Variants in TMEFF2 observed in about 807,000 individuals in gnomAD.
TMEFF2 encodes tomoregulin-2.
In TMEFF2, 28 loss-of-function variants were observed where a neutral mutation model predicts 53.8. The ratio of observed to expected loss-of-function variants is 0.52; its 90% confidence interval spans 0.39 to 0.71. TMEFF2 has a LOEUF of 0.71. TMEFF2 is among the 30% of genes least tolerant of loss of function. TMEFF2 has a pLI of 0.00. For missense variants in TMEFF2, 353 were observed against 455.2 expected (o/e 0.78, Z 2.04); for synonymous variants, 162 against 166.3 (o/e 0.97, Z 0.20).
chr2:192,185,522 T>C (rs1265884515), intron 2 of TMEFF2, among the ~76,000 whole-genome samples: 1 of 152,114 alleles, frequency 6.6e-6, no homozygotes, highest in East Asian at 1.9e-4. Flanking sequence ...TTTGAATCTT[T>C]GATGTGCTGT....
chr2:191,964,288 C>A (rs1692361683), intron 7 of TMEFF2, among the ~76,000 whole-genome samples: 1 of 124,868 alleles, frequency 8.0e-6, no homozygotes. Flanking sequence ...TTTCCTTTTC[C>A]TTCTTTCCTT....
intron 5 of TMEFF2, chr2:192,021,774 A>G (rs1169203136): frequency 6.6e-6 from 1 of 152,286 alleles, no homozygotes; most frequent in African/African-American, 2.4e-5. Context: ...AGGTGTGGGA[A>G]ATCTAAGGAA....
At chr2:192,176,581 C>T (rs987803371) in intron 4 of TMEFF2, among the ~76,000 whole-genome samples, 1 of 151,160 alleles carries the variant, frequency 6.6e-6, no homozygotes, top group Non-Finnish European at 1.5e-5. Context: ...ATACAGTTAA[C>T]TGTTTGAATT....
chr2:192,093,760 TA>T (rs1187226353), intron 4 of TMEFF2, among the ~76,000 whole-genome samples: 1 of 151,378 alleles, frequency 6.6e-6, no homozygotes, highest in Non-Finnish European at 1.5e-5. Flanking sequence ...AAACCCAAGG[TA>T]AAAGCCTTTG....
intron 7 of TMEFF2, among the ~76,000 whole-genome samples, chr2:191,959,610 A>G (rs1301831846): frequency 1.3e-5 from 1 of 76,970 alleles, no homozygotes; most frequent in Non-Finnish European, 2.6e-5. Context: ...AAATCAATAC[A>G]GTCCAGTATG....
chr2:192,061,711 G>A (rs906677583), intron 4 of TMEFF2, among the ~76,000 whole-genome samples: 31 of 152,166 alleles, frequency 2.0e-4, no homozygotes, highest in African/African-American at 7.0e-4. Flanking sequence ...TTGGTAGGAA[G>A]TGTTTGCATC....
intron 5 of TMEFF2, among the ~76,000 whole-genome samples, chr2:192,040,761 G>A (rs4456647): frequency 0.73 from 111,390 of 151,966 alleles, 43,097 homozygotes; most frequent in Middle Eastern, 0.87. Flanking sequence ...AAGTCCAGTT[G>A]TAGCATAAGA....
intron 7 of TMEFF2, among the ~76,000 whole-genome samples, chr2:191,990,632 TG>T (rs1686081524): frequency 1.3e-5 from 2 of 152,100 alleles, no homozygotes; most frequent in Non-Finnish European, 1.5e-5. Context: ...TGGAGAATTA[TG>T]GCATTCCACT....
chr2:192,060,407 C>A (rs1688015485), intron 4 of TMEFF2, among the ~76,000 whole-genome samples: 1 of 152,146 alleles, frequency 6.6e-6, no homozygotes, highest in Admixed American at 6.6e-5. Flanking sequence ...TTTTTCAAAC[C>A]ACAGTTCACA....
At chr2:192,109,183 C>T (rs1158063475) in intron 4 of TMEFF2, among the ~76,000 whole-genome samples, 1 of 151,972 alleles carries the variant, frequency 6.6e-6, no homozygotes, top group East Asian at 1.9e-4. Context: ...ATGTCATACG[C>T]ATTTGTCCCC....
chr2:192,114,467 GAAA>G (rs112084685), intron 4 of TMEFF2, among the ~76,000 whole-genome samples: 7 of 149,340 alleles, frequency 4.7e-5, no homozygotes, highest in Non-Finnish European at 1.0e-4. Flanking sequence ...CCAAGGAAAA[GAAA>G]AAAAAAGGGC....
chr2:192,072,795 AG>A (rs944492441), intron 4 of TMEFF2, among the ~76,000 whole-genome samples: 1 of 151,944 alleles, frequency 6.6e-6, no homozygotes, highest in African/African-American at 2.4e-5. Context: ...ATGGGAGAGA[AG>A]GGAGAGGAAA....
intron 4 of TMEFF2, among the ~76,000 whole-genome samples, chr2:192,163,262 G>A (rs1690678221): frequency 6.6e-6 from 1 of 152,176 alleles, no homozygotes; most frequent in Non-Finnish European, 1.5e-5. Context: ...CATTTACATT[G>A]ACAAAGAAGG....
chr2:192,182,045 T>C (rs1430787652), intron 3 of TMEFF2, among the ~76,000 whole-genome samples: 2 of 151,774 alleles, frequency 1.3e-5, no homozygotes, highest in Non-Finnish European at 1.5e-5. Flanking sequence ...TCCTAGTTAA[T>C]GCATTTCCTA....
chr2:192,145,775 T>C (rs1297919319), intron 4 of TMEFF2, among the ~76,000 whole-genome samples: 4 of 152,008 alleles, frequency 2.6e-5, no homozygotes, highest in African/African-American at 9.7e-5. Flanking sequence ...TTTTCATCGG[T>C]ATATTTTAGG....
At chr2:192,115,252 A>G (rs1381963061) in intron 4 of TMEFF2, among the ~76,000 whole-genome samples, 1 of 152,048 alleles carries the variant, frequency 6.6e-6, no homozygotes, top group Non-Finnish European at 1.5e-5. Flanking sequence ...AGATCAATAG[A>G]ACAGAATAGA....
intron 4 of TMEFF2, among the ~76,000 whole-genome samples, chr2:192,137,823 G>A (rs1215912261): frequency 2.0e-5 from 3 of 149,448 alleles, no homozygotes; most frequent in Non-Finnish European, 4.4e-5. Flanking sequence ...TATATTTTGA[G>A]AGGGAGTCTC....
intron 5 of TMEFF2, among the ~76,000 whole-genome samples, chr2:192,002,003 C>T (rs1034029049): frequency 4.0e-5 from 6 of 150,164 alleles, no homozygotes; most frequent in Non-Finnish European, 5.9e-5. Context: ...ACAAGATTCT[C>T]CAATTGGTGT....
At chr2:192,056,042 T>C (rs143686325) in intron 5 of TMEFF2, among the ~76,000 whole-genome samples, 99 of 152,278 alleles carry the variant, frequency 6.5e-4, no homozygotes, top group African/African-American at 2.3e-3. Flanking sequence ...TTTGCTCAGA[T>C]AGAATCTTCA....
Sources: allele counts gnomAD v4.1 joint callset (sites outside exome capture counted in the v4.1 genomes callset), GRCh38; gene constraint gnomAD v4.1.1; transcripts MANE v1.5; gene names NCBI Gene and HGNC (gene_info 2026-07-23, HGNC 2026-07-21).